Variants in CDH13 observed in about 807,000 individuals in gnomAD.
CDH13 encodes cadherin-13.
A neutral mutation model predicts 63.8 loss-of-function variants in CDH13; 24 were observed. The ratio of observed to expected loss-of-function variants is 0.38; its 90% CI spans 0.27 to 0.53. The LOEUF (loss-of-function observed/expected upper bound fraction) is 0.53. Ranked by LOEUF, CDH13 falls within the 20% of genes least tolerant of loss-of-function variation. CDH13 has a pLI of 0.85. For synonymous variants in CDH13, 503 were observed against 355.3 expected (o/e 1.42, Z -4.67); for missense variants, 1,049 against 903.1 (o/e 1.16, Z -2.07).
chr16:83,531,930 C>T (rs1430077527), intron 7 of CDH13, among the ~76,000 whole-genome samples: 1 of 152,172 alleles, frequency 6.6e-6, no homozygotes, highest in Non-Finnish European at 1.5e-5. Flanking sequence ...TGTGTCCCCA[C>T]TCAAATCTCA....
intron 6 of CDH13, among the ~76,000 whole-genome samples, chr16:83,358,889 G>A (rs2091106323): frequency 1.3e-5 from 2 of 152,098 alleles, no homozygotes; most frequent in Non-Finnish European, 1.5e-5. Flanking sequence ...CTTTCTTAGT[G>A]TAGTTATTTT....
intron 1 of CDH13, among the ~76,000 whole-genome samples, chr16:82,694,034 G>A (rs2029957860): frequency 6.6e-6 from 1 of 152,022 alleles, no homozygotes; most frequent in Admixed American, 6.6e-5. Context: ...GTCCACATCT[G>A]GATTAAAATA....
intron 4 of CDH13, among the ~76,000 whole-genome samples, chr16:83,162,920 C>T (rs1010997219): frequency 1.3e-5 from 2 of 152,084 alleles, no homozygotes; most frequent in Non-Finnish European, 2.9e-5. Flanking sequence ...GTCTAGCACA[C>T]TCATTGATAT....
At chr16:83,569,059 G>C (rs1386005970) in intron 7 of CDH13, among the ~76,000 whole-genome samples, 2 of 151,866 alleles carry the variant, frequency 1.3e-5, no homozygotes, top group Non-Finnish European at 2.9e-5. Context: ...CCACTGTCTG[G>C]CCTCCTCTCC....
chr16:83,035,481 G>A (rs1194626069), intron 3 of CDH13, among the ~76,000 whole-genome samples: 4 of 152,180 alleles, frequency 2.6e-5, no homozygotes, highest in Non-Finnish European at 5.9e-5. Context: ...ATGCTACTGT[G>A]TTCTGCCTCA....
chr16:83,730,787 G>T (rs76215138), intron 10 of CDH13, among the ~76,000 whole-genome samples: 2 of 152,042 alleles, frequency 1.3e-5, no homozygotes, highest in Non-Finnish European at 2.9e-5. Flanking sequence ...CATAGTACCC[G>T]ATAGTTTTCA....
chr16:82,688,550 A>G (rs1160885561), intron 1 of CDH13, among the ~76,000 whole-genome samples: 1 of 152,230 alleles, frequency 6.6e-6, no homozygotes, highest in East Asian at 1.9e-4. Flanking sequence ...TATTTATTGA[A>G]TAAAACATCA....
intron 6 of CDH13, among the ~76,000 whole-genome samples, chr16:83,435,633 C>G (rs1227961117): frequency 6.6e-6 from 1 of 152,172 alleles, no homozygotes; most frequent in Non-Finnish European, 1.5e-5. Flanking sequence ...TTCTCTCTGT[C>G]TGAGTTGCTT....
At chr16:82,999,864 T>A (rs1912672298) in intron 2 of CDH13, among the ~76,000 whole-genome samples, 1 of 152,116 alleles carries the variant, frequency 6.6e-6, no homozygotes. Context: ...TAAAAGAGTG[T>A]GCACCAGTAG....
In CDH13 at chr16:83,355,972, A is replaced by T. The variant is rs755248381; in HGVS notation, c.781+10966A>T. On this transcript the variant is annotated intron_variant, in intron 6 of 13. Transcript: ENST00000567109. ...ACAAACGTTTGACAATTGAGGAAACAGACACTCAGGGAGGTTAGGTGACTC... is the reference window on the plus strand; with the variant it reads ...ACAAACGTTTGACAATTGAGGAAACTGACACTCAGGGAGGTTAGGTGACTC... Among the ~76,000 whole-genome samples, 6 of 152,352 alleles carry T rather than the reference A, an allele frequency of 3.9e-5. No individual in the cohort carries two copies. The South Asian group carries it at 1.2e-3, about 32-fold the overall frequency.
At chr16:83,659,406 C>G (rs1041376456) in intron 8 of CDH13, among the ~76,000 whole-genome samples, 2 of 152,228 alleles carry the variant, frequency 1.3e-5, no homozygotes, top group Non-Finnish European at 2.9e-5. Flanking sequence ...AACACCAGGT[C>G]CCATGTCCTC....
intron 5 of CDH13, among the ~76,000 whole-genome samples, chr16:83,226,347 C>T (rs947564210): frequency 1.3e-5 from 2 of 152,206 alleles, no homozygotes; most frequent in Admixed American, 6.5e-5. Flanking sequence ...AGCAAAGCTG[C>T]TTCCTCACTC....
chr16:82,654,590 T>C (rs1911088739), intron 1 of CDH13, among the ~76,000 whole-genome samples: 1 of 152,222 alleles, frequency 6.6e-6, no homozygotes, highest in Admixed American at 6.5e-5. Flanking sequence ...ACTCTCTGCT[T>C]TGGGCATTCC....
chr16:83,317,243 C>T (rs1176891103), intron 5 of CDH13, among the ~76,000 whole-genome samples: 1 of 152,170 alleles, frequency 6.6e-6, no homozygotes, highest in Non-Finnish European at 1.5e-5. Context: ...ATCCTGAACT[C>T]GAGTCTGGAA....
At chr16:82,804,017 C>T (rs1029833252) in intron 1 of CDH13, among the ~76,000 whole-genome samples, 2 of 152,112 alleles carry the variant, frequency 1.3e-5, no homozygotes, top group African/African-American at 4.8e-5. Context: ...ATCACGAGGT[C>T]AAGAGATCGA....
intron 2 of CDH13, among the ~76,000 whole-genome samples, chr16:82,979,442 G>T (rs1435128287): frequency 2.6e-5 from 4 of 152,144 alleles, no homozygotes; most frequent in Admixed American, 2.6e-4. Context: ...CATGTGGTGG[G>T]AGGGACGTGG....
chr16:83,294,616 G>A (rs78296477), intron 5 of CDH13, among the ~76,000 whole-genome samples: 9,884 of 150,228 alleles, frequency 0.066, 1,026 homozygotes, highest in African/African-American at 0.22. Flanking sequence ...GTGTGTGTGT[G>A]TGTATATATA....
chr16:83,042,360 G>A (rs1362863650), intron 3 of CDH13, among the ~76,000 whole-genome samples: 2 of 152,116 alleles, frequency 1.3e-5, no homozygotes, highest in African/African-American at 2.4e-5. Context: ...GAACCCTATT[G>A]TAAATTGCAC....
At chr16:83,007,756 G>A (rs148168600) in intron 2 of CDH13, among the ~76,000 whole-genome samples, 5 of 151,700 alleles carry the variant, frequency 3.3e-5, no homozygotes, top group African/African-American at 9.7e-5. Flanking sequence ...CCCAGGAGGC[G>A]GGGGTGGCAG....
Sources: allele counts gnomAD v4.1 joint callset (sites outside exome capture counted in the v4.1 genomes callset), GRCh38; gene constraint gnomAD v4.1.1; transcripts MANE v1.5; gene names NCBI Gene and HGNC (gene_info 2026-07-23, HGNC 2026-07-21).